Variants in RANBP2 observed in about 807,000 individuals in gnomAD.
RANBP2 encodes E3 SUMO-protein ligase RanBP2.
In RANBP2, 57 loss-of-function variants were observed where a neutral mutation model predicts 303.6. That is an observed-to-expected ratio of 0.19 (90% CI 0.15 to 0.23). RANBP2 has a LOEUF of 0.23. Ranked by LOEUF, RANBP2 falls within the 10% of genes least tolerant of loss-of-function variation. The probability of loss-of-function intolerance (pLI) is 1.00; values close to 1 mark genes in which losing one functional copy is unlikely to be tolerated. For synonymous variants in RANBP2, 1,167 were observed against 1,301.5 expected, an observed-to-expected ratio of 0.90 and a Z score of 2.23; for missense variants, 3,138 against 3,780.8, an observed-to-expected ratio of 0.83 and a Z score of 4.46.
the RANBP2 span, among the ~76,000 whole-genome samples, chr2:108,823,697 T>C: frequency 1.2e-4 from 18 of 152,288 alleles, no homozygotes; most frequent in African/African-American, 4.1e-4. Flanking sequence ...AGGGTGCACC[T>C]GGGCCAGGCT....
chr2:109,030,899 A>G, the RANBP2 span, among the ~76,000 whole-genome samples: 1,778 of 152,222 alleles, frequency 0.012, 28 homozygotes, highest in African/African-American at 0.038. Context: ...GTTTTTTAAC[A>G]TCTCCCAAGT....
chr2:108,974,165 TA>T, the RANBP2 span, among the ~76,000 whole-genome samples: 1 of 150,426 alleles, frequency 6.6e-6, no homozygotes, highest in Non-Finnish European at 1.5e-5. Context: ...CCGTCTCTAC[TA>T]AAAAATACAA....
chr2:109,585,933 A>T, the RANBP2 span: 1 of 846,266 alleles, frequency 1.2e-6, no homozygotes, highest in Non-Finnish European at 1.9e-6. Flanking sequence ...TATATCAAAT[A>T]AATGAAAATT....
chr2:108,988,125 C>T, the RANBP2 span, among the ~76,000 whole-genome samples: 1 of 152,178 alleles, frequency 6.6e-6, no homozygotes, highest in African/African-American at 2.4e-5. Flanking sequence ...TGTGGGATTG[C>T]CCACTGACCG....
the RANBP2 span, among the ~76,000 whole-genome samples, chr2:109,160,254 A>G: frequency 2.1e-4 from 32 of 152,332 alleles, no homozygotes; most frequent in Admixed American, 2.0e-3. Flanking sequence ...AGGGTGACCC[A>G]TGGAGTGTGA....
chr2:109,177,576 TAG>T, the RANBP2 span, among the ~76,000 whole-genome samples: 3 of 151,900 alleles, frequency 2.0e-5, no homozygotes, highest in Non-Finnish European at 4.4e-5. Flanking sequence ...CCTACAAAGT[TAG>T]TATCAGTGGT....
rs749801208 is a variant in RANBP2, at chr2:108,763,903, A to T, written c.3364A>T (p.Asn1122Tyr). 6.8e-6 allele frequency: 11 copies of T among 1,613,940 alleles called. No homozygotes were observed. Among genetic ancestry groups the T allele is most frequent in the Non-Finnish European group, 9.3e-6 (11 of 1,179,984 alleles). The change falls in exon 20 of 29, where the codon AAT (asparagine) becomes TAT (tyrosine). Residue 1122 changes from asparagine to tyrosine, a missense_variant. Physicochemically the swap from Asn to Tyr is moderately radical, Grantham distance 143 (BLOSUM62 -2). Around this residue, in one of 20 missense-constraint regions of RANBP2, gnomAD observed 403 missense variants for 376.7 expected, o/e 1.07. Transcript: ENST00000283195. The part of the protein sequence containing the change: ...TENMGSSQQK[N>Y]SGFRRSDDMF... ...AAACATGGGGTCGAGTCAGCAAAAG[A>T]ATTCTGGTTTTCGGCGAAGTGATGA...
At chr2:109,179,003 A>ATGTGTGTGTGTGTGTGTGTG in the RANBP2 span, among the ~76,000 whole-genome samples, 126 of 142,170 alleles carry the variant, frequency 8.9e-4, no homozygotes, top group East Asian at 2.2e-3. Flanking sequence ...AAGTATAATA[A>ATGTGTGTGTGTGTGTGTGTG]TGTGTGTGTG....
the RANBP2 span, among the ~76,000 whole-genome samples, chr2:109,259,755 G>GT: frequency 6.6e-6 from 1 of 152,210 alleles, no homozygotes; most frequent in African/African-American, 2.4e-5. Context: ...GAGGCTTCAC[G>GT]TAGGTGCATG....
At chr2:108,719,747 C>T in intron 1 of RANBP2, 69 bp downstream of exon 1, 1 of 1,545,914 alleles carries the variant, frequency 6.5e-7, no homozygotes, top group Non-Finnish European at 8.7e-7. Flanking sequence ...GCTCAGGCGT[C>T]ATGGCTCCCG....
chr2:109,092,989 T>C, the RANBP2 span, among the ~76,000 whole-genome samples: 1 of 152,206 alleles, frequency 6.6e-6, no homozygotes, highest in African/African-American at 2.4e-5. Flanking sequence ...CTGAAACCAA[T>C]ACCAGATGAG....
At chr2:108,901,158 A>G in the RANBP2 span, among the ~76,000 whole-genome samples, 4 of 152,320 alleles carry the variant, frequency 2.6e-5, no homozygotes, top group South Asian at 8.3e-4. Context: ...ATATTCCCCT[A>G]CCACAATAGA....
At chr2:109,401,931 C>G in the RANBP2 span, among the ~76,000 whole-genome samples, 1 of 152,242 alleles carries the variant, frequency 6.6e-6, no homozygotes, top group East Asian at 1.9e-4. Context: ...ATCCTGGGAT[C>G]CATTTTCCAG....
chr2:109,672,271 G>A, the RANBP2 span, among the ~76,000 whole-genome samples: 1 of 152,202 alleles, frequency 6.6e-6, no homozygotes, highest in Admixed American at 6.5e-5. Flanking sequence ...GTAGCAAACA[G>A]CCATTTCATC....
the RANBP2 span, among the ~76,000 whole-genome samples, chr2:108,915,681 C>T: frequency 6.6e-6 from 1 of 152,094 alleles, no homozygotes; most frequent in African/African-American, 2.4e-5. Flanking sequence ...GGGAGGATCA[C>T]CTAAGAGGAG....
At chr2:109,119,357 C>A in the RANBP2 span, among the ~76,000 whole-genome samples, 2 of 152,182 alleles carry the variant, frequency 1.3e-5, no homozygotes, top group Admixed American at 6.5e-5. Context: ...TCTACTTTAG[C>A]TCTATATCTT....
At chr2:109,073,792 T>A in the RANBP2 span, among the ~76,000 whole-genome samples, 61 of 150,988 alleles carry the variant, frequency 4.0e-4, no homozygotes, top group African/African-American at 1.4e-3. Context: ...TCAGACATTA[T>A]GATATCAGTA....
chr2:109,296,807 A>G, the RANBP2 span, among the ~76,000 whole-genome samples: 2 of 152,096 alleles, frequency 1.3e-5, no homozygotes, highest in Non-Finnish European at 2.9e-5. Flanking sequence ...GGGGACACTG[A>G]CCACACTAGC....
the RANBP2 span, among the ~76,000 whole-genome samples, chr2:109,673,020 A>T: frequency 6.6e-6 from 1 of 152,238 alleles, no homozygotes; most frequent in Admixed American, 6.5e-5. Flanking sequence ...TGAGATATAT[A>T]GAGTTAGAAT....
Sources: allele counts gnomAD v4.1 joint callset (sites outside exome capture counted in the v4.1 genomes callset), GRCh38; gene constraint gnomAD v4.1.1; regional missense constraint gnomAD v4.1.1; transcripts MANE v1.5; gene names NCBI Gene and HGNC (gene_info 2026-07-23, HGNC 2026-07-21).